The following CNTNAP2 variants were observed in gnomAD, a reference collection of about 807,000 sequenced individuals.
The protein encoded by CNTNAP2 is contactin associated protein 2, also known as contactin-associated protein-like 2.
CNTNAP2 carries 98 observed loss-of-function variants against 155.2 expected under a neutral mutation model. The observed-to-expected ratio is 0.63, with a 90% CI of 0.54 to 0.75. The LOEUF is 0.75. CNTNAP2 is among the 30% of genes least tolerant of loss of function. The pLI, the probability that CNTNAP2 is intolerant of heterozygous loss-of-function variation, is 0.00. For missense variants in CNTNAP2, 1,727 were observed against 1,688.1 expected, an observed-to-expected ratio of 1.02 and a Z score of -0.40; for synonymous variants, 651 against 631.2, an observed-to-expected ratio of 1.03 and a Z score of -0.47.
chr7:147,291,747 TCCAA>T (rs1337136433), intron 8 of CNTNAP2, among the ~76,000 whole-genome samples: 1 of 152,162 alleles, frequency 6.6e-6, no homozygotes, highest in Admixed American at 6.6e-5. Flanking sequence ...AATTTTATAC[TCCAA>T]CCAGCAATGC....
At chr7:146,277,866 T>C (rs778345012) in intron 1 of CNTNAP2, among the ~76,000 whole-genome samples, 6 of 152,024 alleles carry the variant, frequency 3.9e-5, no homozygotes, top group Non-Finnish European at 8.8e-5. Flanking sequence ...ATCTTGAAAG[T>C]GGAGTGGGTA....
At chr7:146,619,562 C>T (rs1799284070) in intron 1 of CNTNAP2, among the ~76,000 whole-genome samples, 1 of 152,114 alleles carries the variant, frequency 6.6e-6, no homozygotes, top group African/African-American at 2.4e-5. Context: ...ATTCTTCCCT[C>T]TGAAAATAGT....
chr7:146,594,392 G>A (rs558210635), intron 1 of CNTNAP2, among the ~76,000 whole-genome samples: 24 of 151,072 alleles, frequency 1.6e-4, no homozygotes, highest in East Asian at 3.9e-4. Context: ...GTGTTTGCAC[G>A]TCTATTACTT....
chr7:148,201,785 T>C (rs758093955), intron 18 of CNTNAP2, among the ~76,000 whole-genome samples: 6 of 151,988 alleles, frequency 3.9e-5, no homozygotes, highest in Admixed American at 6.6e-5. Context: ...CAGGGAAACA[T>C]TTGCAGGCAT....
At chr7:147,375,357 T>C (rs868661579) in intron 9 of CNTNAP2, among the ~76,000 whole-genome samples, 4 of 152,176 alleles carry the variant, frequency 2.6e-5, no homozygotes, top group South Asian at 4.1e-4. Context: ...TGATTTGTGT[T>C]ACTGCAAATT....
At chr7:148,118,034 T>C (rs1462952849) in intron 15 of CNTNAP2, 84 bp from the exon 16 acceptor site, 8 of 1,410,256 alleles carry the variant, frequency 5.7e-6, no homozygotes, top group Non-Finnish European at 8.0e-6. Context: ...ATGGTACTTA[T>C]TAAACTCAAG....
intron 3 of CNTNAP2, among the ~76,000 whole-genome samples, chr7:147,007,622 G>GA (rs1370689374): frequency 6.6e-6 from 1 of 151,666 alleles, no homozygotes; most frequent in Non-Finnish European, 1.5e-5. Flanking sequence ...GTGTAAGTAA[G>GA]AAAAAAGCCA....
intron 20 of CNTNAP2, among the ~76,000 whole-genome samples, chr7:148,244,314 C>G (rs1167222319): frequency 1.3e-5 from 2 of 152,058 alleles, no homozygotes; most frequent in Non-Finnish European, 2.9e-5. Flanking sequence ...CAAGTTCTCT[C>G]TTTAGGTCAC....
At chr7:147,352,670 A>C (rs1421843273) in intron 9 of CNTNAP2, among the ~76,000 whole-genome samples, 2 of 151,906 alleles carry the variant, frequency 1.3e-5, no homozygotes, top group Non-Finnish European at 2.9e-5. Context: ...AAAACATGAG[A>C]CCCTTAACCA....
At chr7:146,298,952 G>A (rs78105498) in intron 1 of CNTNAP2, among the ~76,000 whole-genome samples, 3 of 152,134 alleles carry the variant, frequency 2.0e-5, no homozygotes, top group Non-Finnish European at 4.4e-5. Flanking sequence ...ATGATATGCT[G>A]TACTTCAAAA....
rs146739008 is a variant in CNTNAP2 at position 146,884,287 on chromosome 7, G to T, written c.402+44383G>T. On this transcript the variant is annotated intron_variant, in intron 3 of 23. Coordinates refer to ENST00000361727, the MANE Select transcript of CNTNAP2 (RefSeq NM_014141.6). ...ATTTGCATATAAGTGGACCTGCACA[G>T]TTCAAATTTGTGTGTGAGGTTCAAC... Among the ~76,000 whole-genome samples, 795 of 152,224 alleles carry T rather than the reference G, an allele frequency of 5.2e-3. 1 individual carries two copies. Among genetic ancestry groups the T allele is most frequent in the Non-Finnish European group, 8.6e-3 (587 of 68,012 alleles).
chr7:147,599,010 C>G (rs770278114), intron 12 of CNTNAP2, among the ~76,000 whole-genome samples: 3 of 152,176 alleles, frequency 2.0e-5, no homozygotes, highest in Non-Finnish European at 4.4e-5. Flanking sequence ...TACCCAGACT[C>G]AGGTAAGTCT....
At chr7:148,146,932 G>A (rs1400682616) in intron 16 of CNTNAP2, among the ~76,000 whole-genome samples, 1 of 152,208 alleles carries the variant, frequency 6.6e-6, no homozygotes, top group African/African-American at 2.4e-5. Context: ...CTCAACTCTA[G>A]CTATGTGTTA....
At chr7:146,669,796 C>T (rs1247975629) in intron 1 of CNTNAP2, among the ~76,000 whole-genome samples, 4 of 152,046 alleles carry the variant, frequency 2.6e-5, no homozygotes, top group Non-Finnish European at 5.9e-5. Context: ...ATTGTTTCAA[C>T]CTTTTTTTAA....
At position 146,811,595 on chromosome 7, in the gene CNTNAP2, C is replaced by A. The variant is rs531018410; in HGVS notation, c.209-28116C>A. On this transcript the variant is annotated intron_variant, in intron 2 of 23. Transcript: ENST00000361727. ...TTCAAAAAAACTCAGTTTCATTGAT[C>A]TTTTCTATAGGCTTTTCTTTATTTC... Among the ~76,000 whole-genome samples the A allele has an allele frequency of 4.6e-5, 7 of 152,042 alleles. No homozygotes were observed. The South Asian group carries it at 1.5e-3, about 32-fold the overall frequency.
chr7:146,967,071 A>G (rs751788147), intron 3 of CNTNAP2, among the ~76,000 whole-genome samples: 7 of 152,134 alleles, frequency 4.6e-5, no homozygotes, highest in Non-Finnish European at 1.0e-4. Flanking sequence ...CAGAAGATCA[A>G]TGTTTAGTGA....
intron 5 of CNTNAP2, among the ~76,000 whole-genome samples, chr7:147,116,645 C>G (rs1461831606): frequency 2.0e-5 from 3 of 152,164 alleles, no homozygotes; most frequent in Non-Finnish European, 4.4e-5. Context: ...AGCTTGGACT[C>G]TCCAAAGCCC....
chr7:146,242,278 A>G (rs1466009855), intron 1 of CNTNAP2, among the ~76,000 whole-genome samples: 1 of 152,134 alleles, frequency 6.6e-6, no homozygotes, highest in South Asian at 2.1e-4. Flanking sequence ...CGTGGCTCAC[A>G]CCTGTAATCC....
At chr7:146,976,986 C>T (rs950445952) in intron 3 of CNTNAP2, among the ~76,000 whole-genome samples, 2 of 151,926 alleles carry the variant, frequency 1.3e-5, no homozygotes, top group Admixed American at 1.3e-4. Flanking sequence ...GATTCCTGCC[C>T]TGGGGAGAAA....
Sources: gnomAD v4.1 joint callset for allele counts (sites outside exome capture counted in the v4.1 genomes callset) on GRCh38, gnomAD v4.1.1 for gene constraint, MANE v1.5 for transcripts, NCBI Gene and HGNC (gene_info 2026-07-23, HGNC 2026-07-21) for gene names.